The following MYO1D variants were observed in gnomAD, a reference collection of about 807,000 sequenced individuals.
MYO1D encodes myosin ID, also known as unconventional myosin-Id.
In MYO1D, 83 loss-of-function variants were observed where a neutral mutation model predicts 122.0. The ratio of observed to expected loss-of-function variants is 0.68; its 90% CI spans 0.57 to 0.82. The LOEUF is 0.82. Among genes scored for constraint, MYO1D ranks in the 40% least tolerant of loss-of-function variants. The pLI, the probability that MYO1D is intolerant of heterozygous loss-of-function variation, is 0.00. For missense variants in MYO1D, 1,157 were observed against 1,269.5 expected, an observed-to-expected ratio of 0.91 and a Z score of 1.35; for synonymous variants, 464 against 446.9, an observed-to-expected ratio of 1.04 and a Z score of -0.48.
chr17:32,808,995 G>A (rs926632751), intron 1 of MYO1D, among the ~76,000 whole-genome samples: 3 of 152,074 alleles, frequency 2.0e-5, no homozygotes, highest in African/African-American at 7.2e-5. Flanking sequence ...GTACGTATAC[G>A]TACATATAAA....
intron 5 of MYO1D, 129 bp downstream of exon 5, chr17:32,772,660 G>C (rs988346274): frequency 1.3e-6 from 1 of 755,602 alleles, no homozygotes; most frequent in East Asian, 2.5e-5. Flanking sequence ...GTGCGTGCGT[G>C]CATGCGTGAC....
chr17:32,665,100 G>T (rs1206231897), intron 16 of MYO1D, among the ~76,000 whole-genome samples: 2 of 152,158 alleles, frequency 1.3e-5, no homozygotes, highest in Non-Finnish European at 2.9e-5. Flanking sequence ...CCAGCCATCA[G>T]ATGGCTGACT....
chr17:32,684,408 T>A (rs1405860775), intron 16 of MYO1D: 1 of 152,254 alleles, frequency 6.6e-6, no homozygotes, highest in African/African-American at 2.4e-5. Context: ...GAATGTGTAA[T>A]CCATGAGGAC....
At chr17:32,627,641 G>GT (rs2087946073) in intron 20 of MYO1D, 1 of 151,964 alleles carries the variant, frequency 6.6e-6, no homozygotes, top group Non-Finnish European at 1.5e-5. Context: ...ACGAAAGGAG[G>GT]TATTTGTGCA....
intron 1 of MYO1D, among the ~76,000 whole-genome samples, chr17:32,846,151 C>T (rs1442857498): frequency 3.3e-5 from 5 of 152,180 alleles, no homozygotes; most frequent in Non-Finnish European, 5.9e-5. Context: ...CTTTGTCCCA[C>T]AGAGTTCAGG....
chr17:32,832,120 C>CT (rs893648264), intron 1 of MYO1D, among the ~76,000 whole-genome samples: 2,268 of 145,812 alleles, frequency 0.016, 44 homozygotes, highest in African/African-American at 0.049. Context: ...TTCTTTCTTT[C>CT]TTTTTTTTTT....
chr17:32,852,425 C>CA (rs2090997143), intron 1 of MYO1D, among the ~76,000 whole-genome samples: 1 of 152,138 alleles, frequency 6.6e-6, no homozygotes, highest in Non-Finnish European at 1.5e-5. Flanking sequence ...TGTGCCTGGC[C>CA]AAAATGTAAA....
At chr17:32,781,698 G>A (rs1257351653) in intron 1 of MYO1D, among the ~76,000 whole-genome samples, 1 of 133,348 alleles carries the variant, frequency 7.5e-6, no homozygotes, top group African/African-American at 2.9e-5. Flanking sequence ...AAATAAAGAG[G>A]AAGGCCACAT....
intron 7 of MYO1D, among the ~76,000 whole-genome samples, chr17:32,766,134 C>A (rs530260379): frequency 3.3e-4 from 50 of 152,102 alleles, no homozygotes; most frequent in Admixed American, 5.2e-4. Context: ...AATCTGTCCA[C>A]CTCAAACTTT....
chr17:32,564,888 A>G lies in MYO1D; in HGVS notation c.2864+40199T>C, dbSNP rs186529569. Among the ~76,000 whole-genome samples the G allele has an allele frequency of 3.3e-5, 5 of 152,360 alleles. No homozygotes were observed. The East Asian group carries it at 9.6e-4, about 29-fold the overall frequency. On this transcript the variant is annotated intron_variant, in intron 21 of 21. Coordinates refer to ENST00000318217, the MANE Select transcript of MYO1D (RefSeq NM_015194.3). The stretch of plus-strand genomic sequence containing the variant: ...AAAGGTCAATCTGTGTTAATTCTAG[A>G]AACAGCATACCCCCCATCTCACAAT...
chr17:32,676,196 G>C (rs911478381), intron 16 of MYO1D, among the ~76,000 whole-genome samples: 2 of 152,110 alleles, frequency 1.3e-5, no homozygotes, highest in African/African-American at 4.8e-5. Context: ...ACACATTAAA[G>C]CCCTCATTTC....
At chr17:32,552,091 G>A (rs150032810) in intron 21 of MYO1D, among the ~76,000 whole-genome samples, 25 of 152,084 alleles carry the variant, frequency 1.6e-4, no homozygotes, top group Non-Finnish European at 2.5e-4. Context: ...GTTTTGTTTC[G>A]TTTGGACAGG....
chr17:32,656,766 G>A (rs2543970), intron 17 of MYO1D, among the ~76,000 whole-genome samples: 107,405 of 152,120 alleles, frequency 0.71, 38,036 homozygotes, highest in Middle Eastern at 0.78. Flanking sequence ...AGTCAAGGAC[G>A]CTGTGACAGG....
chr17:32,678,718 T>C (rs1330657111), intron 16 of MYO1D, among the ~76,000 whole-genome samples: 3 of 147,232 alleles, frequency 2.0e-5, no homozygotes, highest in African/African-American at 7.7e-5. Context: ...GCAATAAACA[T>C]ACGTGTGCAT....
chr17:32,626,229 A>T (rs2087926459), intron 20 of MYO1D, among the ~76,000 whole-genome samples: 1 of 152,328 alleles, frequency 6.6e-6, no homozygotes, highest in South Asian at 2.1e-4. Context: ...ATGTTTACTG[A>T]ATAAAAGAGA....
chr17:32,845,080 T>C (rs1328810446), intron 1 of MYO1D, among the ~76,000 whole-genome samples: 1 of 152,044 alleles, frequency 6.6e-6, no homozygotes, highest in African/African-American at 2.4e-5. Flanking sequence ...CACCAAAACA[T>C]TGTCGATGGC....
chr17:32,632,740 T>C (rs1348455259), intron 20 of MYO1D, among the ~76,000 whole-genome samples: 2 of 152,026 alleles, frequency 1.3e-5, no homozygotes, highest in Non-Finnish European at 2.9e-5. Flanking sequence ...GACAGTGTTA[T>C]GTTGGGAGGA....
intron 1 of MYO1D, among the ~76,000 whole-genome samples, chr17:32,844,948 T>C (rs1189026392): frequency 6.6e-6 from 1 of 151,988 alleles, no homozygotes; most frequent in Non-Finnish European, 1.5e-5. Flanking sequence ...TGTATATCTA[T>C]TGACACGTAA....
At chr17:32,615,214 A>G (rs578141928) in intron 20 of MYO1D, among the ~76,000 whole-genome samples, 1 of 152,296 alleles carries the variant, frequency 6.6e-6, no homozygotes, top group South Asian at 2.1e-4. Context: ...AGTAGGTGGA[A>G]GCTGGAAAGG....
Sources: gnomAD v4.1 joint callset for allele counts (sites outside exome capture counted in the v4.1 genomes callset) on GRCh38, gnomAD v4.1.1 for gene constraint, MANE v1.5 for transcripts, NCBI Gene and HGNC (gene_info 2026-07-23, HGNC 2026-07-21) for gene names.